ABTB3: variants seen among roughly 807,000 people sequenced by gnomAD.
The protein encoded by ABTB3 is ankyrin repeat and BTB domain containing 3, also known as ankyrin repeat- and BTB/POZ domain-containing protein 3.
chr12:107,505,976 A>G, the ABTB3 span, among the ~76,000 whole-genome samples: 1 of 152,156 alleles, frequency 6.6e-6, no homozygotes, highest in Non-Finnish European at 1.5e-5. Context: ...GCTATTGTGA[A>G]TAGTGCTGCA....
At chr12:107,580,557 G>A in the ABTB3 span, 5 of 176,966 alleles carry the variant, frequency 2.8e-5, no homozygotes, top group Admixed American at 1.7e-4. Context: ...GGGTCTGGGG[G>A]AAGGCTGCCG....
At chr12:107,383,161 T>C in the ABTB3 span, among the ~76,000 whole-genome samples, 1 of 152,222 alleles carries the variant, frequency 6.6e-6, no homozygotes, top group Non-Finnish European at 1.5e-5. Flanking sequence ...GCTCTTCGTT[T>C]TGGGGCAAGA....
At chr12:107,336,307 C>T in the ABTB3 span, among the ~76,000 whole-genome samples, 736 of 152,308 alleles carry the variant, frequency 4.8e-3, no homozygotes, top group Non-Finnish European at 7.5e-3. Flanking sequence ...GATATTGTGA[C>T]TTGTACAGTT....
At chr12:107,657,821 G>T in the ABTB3 span, 1 of 1,231,594 alleles carries the variant, frequency 8.1e-7, no homozygotes, top group Admixed American at 2.0e-5. Context: ...GTTTTTGGCT[G>T]GGCCAAGGAG....
chr12:107,529,178 G>T, the ABTB3 span, among the ~76,000 whole-genome samples: 1 of 141,606 alleles, frequency 7.1e-6, no homozygotes, highest in Admixed American at 7.0e-5. Context: ...TGATGGTGAT[G>T]GTGATGATGA....
At chr12:107,433,291 C>T in the ABTB3 span, among the ~76,000 whole-genome samples, 93 of 109,690 alleles carry the variant, frequency 8.5e-4, no homozygotes, top group African/African-American at 3.2e-3. Context: ...AGCGAGACTC[C>T]GTCTCAAAAA....
the ABTB3 span, among the ~76,000 whole-genome samples, chr12:107,339,335 G>A: frequency 6.6e-6 from 1 of 152,214 alleles, no homozygotes; most frequent in African/African-American, 2.4e-5. Flanking sequence ...AGGCCATTCT[G>A]TGTTGCACCG....
chr12:107,321,344 C>T, the ABTB3 span, among the ~76,000 whole-genome samples: 1 of 152,122 alleles, frequency 6.6e-6, no homozygotes, highest in Non-Finnish European at 1.5e-5. Flanking sequence ...TGTGAGTGTG[C>T]GCAGGAACAA....
the ABTB3 span, among the ~76,000 whole-genome samples, chr12:107,651,467 C>A: frequency 6.6e-6 from 1 of 152,086 alleles, no homozygotes; most frequent in African/African-American, 2.4e-5. Flanking sequence ...CTCCCCTCCC[C>A]CTCCCGCTCC....
the ABTB3 span, among the ~76,000 whole-genome samples, chr12:107,363,950 C>A: frequency 6.6e-6 from 1 of 152,222 alleles, no homozygotes; most frequent in Admixed American, 6.5e-5. Flanking sequence ...CCCAACTCTT[C>A]TTTGCTTTAG....
the ABTB3 span, chr12:107,320,784 C>T: frequency 2.3e-6 from 1 of 426,656 alleles, no homozygotes; most frequent in East Asian, 7.0e-5. Flanking sequence ...CCTCTCCATT[C>T]CCTCTGGCAG....
the ABTB3 span, among the ~76,000 whole-genome samples, chr12:107,335,626 T>C: frequency 6.6e-6 from 1 of 152,184 alleles, no homozygotes; most frequent in Non-Finnish European, 1.5e-5. Flanking sequence ...GCCTGGGTAA[T>C]GAGCAAGTCC....
the ABTB3 span, among the ~76,000 whole-genome samples, chr12:107,451,333 T>A: frequency 1.3e-5 from 2 of 152,188 alleles, no homozygotes; most frequent in Non-Finnish European, 2.9e-5. Context: ...AAGGTGAATC[T>A]GTATGGAGAA....
At chr12:107,452,294 G>A in the ABTB3 span, among the ~76,000 whole-genome samples, 1 of 143,728 alleles carries the variant, frequency 7.0e-6, no homozygotes, top group Non-Finnish European at 1.5e-5. Context: ...TGCAAGCTCT[G>A]CCTCCTGGGT....
At chr12:107,508,444 T>TTTTGTTTTTG in the ABTB3 span, among the ~76,000 whole-genome samples, 1 of 76,884 alleles carries the variant, frequency 1.3e-5, no homozygotes, top group Non-Finnish European at 2.5e-5. Context: ...ATTTCTTTTT[T>TTTTGTTTTTG]TTTTTTTTTT....
At chr12:107,524,922 T>C in the ABTB3 span, among the ~76,000 whole-genome samples, 1 of 152,172 alleles carries the variant, frequency 6.6e-6, no homozygotes, top group African/African-American at 2.4e-5. Context: ...TAAACTAAAC[T>C]GCAGGTGTGA....
At chr12:107,642,090 G>A in the ABTB3 span, 13 of 1,613,590 alleles carry the variant, frequency 8.1e-6, no homozygotes, top group South Asian at 1.3e-4. Context: ...CCTTGTTCAG[G>A]TTCAAAGCAC....
chr12:107,645,548 G>A, the ABTB3 span, among the ~76,000 whole-genome samples: 2 of 152,074 alleles, frequency 1.3e-5, no homozygotes, highest in African/African-American at 4.8e-5. Context: ...TGGGCCCCCC[G>A]CTAAACTCAC....
At chr12:107,598,028 C>G in the ABTB3 span, among the ~76,000 whole-genome samples, 11 of 152,162 alleles carry the variant, frequency 7.2e-5, no homozygotes, top group Non-Finnish European at 1.6e-4. Context: ...AGGAGTCTGC[C>G]CTAGAGCATT....
Sources: allele counts gnomAD v4.1 joint callset (sites outside exome capture counted in the v4.1 genomes callset), GRCh38; gene constraint gnomAD v4.1.1; transcripts MANE v1.5; gene names NCBI Gene and HGNC (gene_info 2026-07-23, HGNC 2026-07-21).